Variants in RGL1 observed in about 807,000 individuals in gnomAD.
RGL1 encodes ral guanine nucleotide dissociation stimulator like 1.
Under a neutral mutation model 95.2 loss-of-function variants are expected in RGL1, and 24 were observed. That is an observed-to-expected ratio of 0.25 (90% CI 0.18 to 0.35). The LOEUF (loss-of-function observed/expected upper bound fraction) is 0.35. Ranked by LOEUF, RGL1 falls within the 10% of genes least tolerant of loss-of-function variation. RGL1 has a pLI of 1.00. For synonymous variants in RGL1, 329 were observed against 344.9 expected (o/e 0.95, Z 0.51); for missense variants, 715 against 936.3 (o/e 0.76, Z 3.08).
At chr1:183,742,448 T>C (rs571345290) in intron 2 of RGL1, among the ~76,000 whole-genome samples, 1 of 152,210 alleles carries the variant, frequency 6.6e-6, no homozygotes, top group Non-Finnish European at 1.5e-5. Flanking sequence ...GTCAGGAGCA[T>C]GTCCTTTGCA....
At chr1:183,910,432 A>T (rs935866279) in intron 14 of RGL1, among the ~76,000 whole-genome samples, 1 of 152,206 alleles carries the variant, frequency 6.6e-6, no homozygotes, top group South Asian at 2.1e-4. Flanking sequence ...TGTCTTTGAT[A>T]TACCAGTTTA....
intron 2 of RGL1, among the ~76,000 whole-genome samples, chr1:183,788,712 A>C (rs183711856): frequency 3.7e-4 from 56 of 152,386 alleles, no homozygotes; most frequent in African/African-American, 1.3e-3. Context: ...AACAAAAACA[A>C]GGGACATACA....
At chr1:183,821,114 C>A (rs1662456797) in intron 2 of RGL1, among the ~76,000 whole-genome samples, 1 of 151,726 alleles carries the variant, frequency 6.6e-6, no homozygotes, top group African/African-American at 2.4e-5. Context: ...GCCTGGGCGA[C>A]AAGAGCGAAA....
At chr1:183,889,772 G>A (rs1667312830) in intron 8 of RGL1, among the ~76,000 whole-genome samples, 1 of 152,160 alleles carries the variant, frequency 6.6e-6, no homozygotes. Flanking sequence ...TTACAGAGCT[G>A]TAGAAGCCAC....
At chr1:183,666,423 A>C (rs1355886348) in intron 1 of RGL1, among the ~76,000 whole-genome samples, 1 of 152,176 alleles carries the variant, frequency 6.6e-6, no homozygotes, top group Non-Finnish European at 1.5e-5. Flanking sequence ...AAATAGTTTT[A>C]AATTTCTCTT....
At chr1:183,849,482 A>AATTTTTTTTTTTTTTTTTTT (rs150367802) in intron 3 of RGL1, among the ~76,000 whole-genome samples, 3 of 99,356 alleles carry the variant, frequency 3.0e-5, no homozygotes, top group Non-Finnish European at 1.9e-5. Context: ...TCCAGTTTTT[A>AATTTTTTTTTTTTTTTTTTT]GTTTTTTTTT....
rs1418103960 is a variant in RGL1 at position 183,849,483 on chromosome 1, G to GTTT, written c.347+1730_347+1732dup. 7.7e-4 allele frequency among the ~76,000 whole-genome samples: 93 copies of GTTT among 120,840 alleles called. 1 individual carries two copies. Among genetic ancestry groups the GTTT allele is most frequent in the South Asian group, 1.3e-3 (5 of 3,778 alleles). The allele number at this position is 120,840 out of a possible 152,430, so 79.3% of individuals were successfully genotyped here. ...ACATTTAAGTTTTCTCCAGTTTTTA[G>GTTT]TTTTTTTTTTTTTTTTTTTTTTTGT... On this transcript the variant is annotated intron_variant, in intron 3 of 17. Transcript: ENST00000360851.
intron 1 of RGL1, among the ~76,000 whole-genome samples, chr1:183,727,228 A>G (rs183314253): frequency 1.7e-4 from 26 of 152,320 alleles, no homozygotes; most frequent in South Asian, 4.1e-4. Context: ...AATGTAGTTC[A>G]TCTTATTGTC....
intron 1 of RGL1, among the ~76,000 whole-genome samples, chr1:183,643,024 C>A (rs1650033584): frequency 6.6e-6 from 1 of 152,122 alleles, no homozygotes; most frequent in African/African-American, 2.4e-5. Context: ...GTGGTGTTTG[C>A]CTATTTTTGA....
At chr1:183,743,671 T>C (rs1040307706) in intron 2 of RGL1, among the ~76,000 whole-genome samples, 11 of 152,350 alleles carry the variant, frequency 7.2e-5, no homozygotes, top group Non-Finnish European at 1.5e-4. Flanking sequence ...TTTTATCTTC[T>C]GGAATACTCA....
Position 183,888,544 on chromosome 1 carries a change from A to G in RGL1, c.1022A>G (p.Tyr341Cys). 6.2e-7 allele frequency: 1 copy of G among 1,613,216 alleles called. No homozygotes were observed. The highest frequency in any genetic ancestry group is 8.5e-7 in the Non-Finnish European group (1 of 1,179,308). Residue 341 changes from tyrosine (Y) to cysteine (C), a missense_variant, in exon 8 of 18, where the codon TAT becomes TGT. Tyr to Cys is a radical substitution (Grantham distance 194). Around this residue, in one of 3 missense-constraint regions of RGL1, gnomAD observed 381 missense variants for 484.8 expected, o/e 0.79. Coordinates refer to ENST00000360851, the MANE Select transcript of RGL1 (RefSeq NM_001297671.3). ...IVSALQSNSI[Y>C]RLKKTWAAVP... ...TCGGCACTGCAGTCTAATTCCATCT[A>G]TCGGTTAAAAAAGACTTGGGCTGCC...
chr1:183,677,008 G>A (rs1037337032), intron 1 of RGL1, among the ~76,000 whole-genome samples: 2 of 151,024 alleles, frequency 1.3e-5, no homozygotes, highest in African/African-American at 4.9e-5. Context: ...TTGATTCATT[G>A]AACATTTCAT....
intron 2 of RGL1, among the ~76,000 whole-genome samples, chr1:183,746,652 AT>A (rs71773992): frequency 2.1e-5 from 3 of 144,928 alleles, no homozygotes; most frequent in Admixed American, 2.1e-4. Context: ...TTTCTTATAT[AT>A]TTTTTTAATA....
intron 1 of RGL1, among the ~76,000 whole-genome samples, chr1:183,668,252 CTCTCAATTT>C (rs1652181004): frequency 6.6e-6 from 1 of 152,246 alleles, no homozygotes; most frequent in Admixed American, 6.5e-5. Flanking sequence ...ACAACAAATT[CTCTCAATTT>C]TTGCCTGTCT....
Position 183,912,327 on chromosome 1 carries a change from A to G in RGL1, c.1749+59A>G, listed in dbSNP as rs903217225. ...CAGGCACCTACATGCTCTTTGCCAC[A>G]CCACAGCAAGGAATGTCTGTTTTTA... On this transcript the variant is annotated intron_variant, in intron 15 of 17. Coordinates refer to ENST00000360851, the MANE Select transcript of RGL1 (RefSeq NM_001297671.3). 66 of 1,381,636 alleles carry G rather than the reference A, an allele frequency of 4.8e-5. No homozygotes were observed. In the East Asian group the frequency reaches 1.6e-3, roughly 33 times the overall value. 85.6% of individuals were successfully genotyped at this position (1,381,636 alleles called of 1,614,324 possible). A position where few individuals can be genotyped will look rare whatever the true frequency, so the allele number is the denominator to read the frequency against.
intron 1 of RGL1, among the ~76,000 whole-genome samples, chr1:183,805,660 G>T (rs1661246100): frequency 6.6e-6 from 1 of 152,210 alleles, no homozygotes; most frequent in Non-Finnish European, 1.5e-5. Context: ...AGGTTTAGCT[G>T]GGGACATGGA....
intron 2 of RGL1, among the ~76,000 whole-genome samples, chr1:183,838,911 C>T (rs78051111): frequency 0.05 from 7,642 of 152,288 alleles, 276 homozygotes; most frequent in Non-Finnish European, 0.075. Context: ...GAGGAGTGTG[C>T]ACATTTGGCT....
intron 1 of RGL1, among the ~76,000 whole-genome samples, chr1:183,681,739 C>T (rs905214412): frequency 2.0e-5 from 3 of 152,282 alleles, no homozygotes; most frequent in Middle Eastern, 3.4e-3. Flanking sequence ...GGAATAGTTT[C>T]AGACAGAATG....
intron 1 of RGL1, among the ~76,000 whole-genome samples, chr1:183,642,602 T>C (rs1202946097): frequency 6.6e-6 from 1 of 152,234 alleles, no homozygotes; most frequent in African/African-American, 2.4e-5. Context: ...AACCTTGTTA[T>C]TGTAATGATT....
Sources: allele counts gnomAD v4.1 joint callset (sites outside exome capture counted in the v4.1 genomes callset), GRCh38; gene constraint gnomAD v4.1.1; regional missense constraint gnomAD v4.1.1; transcripts MANE v1.5; gene names NCBI Gene and HGNC (gene_info 2026-07-23, HGNC 2026-07-21).